Variants in MROH2A observed in about 807,000 individuals in gnomAD.
The protein encoded by MROH2A is maestro heat-like repeat-containing protein family member 2A.
Under a neutral mutation model 200.4 loss-of-function variants are expected in MROH2A, and 174 were observed. The ratio of observed to expected loss-of-function variants is 0.87; its 90% CI spans 0.77 to 0.98. The LOEUF is 0.98. Among genes scored for constraint, MROH2A ranks in the 50% least tolerant of loss-of-function variants. The pLI is 0.00. For missense variants in MROH2A, 2,045 were observed against 2,139.6 expected, an observed-to-expected ratio of 0.96 and a Z score of 0.87; for synonymous variants, 829 against 840.4, an observed-to-expected ratio of 0.99 and a Z score of 0.23.
In MROH2A at chr2:233,822,296, C is replaced by T. The variant is rs149017566; in HGVS notation, c.3672+13C>T. On this transcript the variant is annotated intron_variant, in intron 32 of 41. Transcript: ENST00000389758. ...GGACCCCCTGATGGTGAGTTGCAGG[C>T]GCAGGCCCCAAGGCTCCTCAGGGGT... 1,551 of 1,547,822 alleles carry T rather than the reference C, an allele frequency of 1.0e-3. 2 individuals carry two copies. The highest frequency in any genetic ancestry group is 1.1e-3 in the Non-Finnish European group (1,316 of 1,146,792).
chr2:233,824,506 C>T (rs1397991421), intron 35 of MROH2A, among the ~76,000 whole-genome samples: 1 of 152,236 alleles, frequency 6.6e-6, no homozygotes, highest in Non-Finnish European at 1.5e-5. Context: ...CACCCAGGAC[C>T]TGTCCTTTGA....
chr2:233,827,896 A>G (rs1255505542), intron 35 of MROH2A, among the ~76,000 whole-genome samples: 1 of 151,952 alleles, frequency 6.6e-6, no homozygotes, highest in East Asian at 1.9e-4. Flanking sequence ...ATAGGTTGTG[A>G]TCGTTGTATT....
chr2:233,832,399 C>G, intron 40 of MROH2A, 120 bp downstream of exon 40: 1 of 986,208 alleles, frequency 1.0e-6, no homozygotes, highest in African/African-American at 1.6e-5. Context: ...GACCAGAGCT[C>G]AGGTCTAAGC....
chr2:233,785,467 CA>C (rs34259208), intron 3 of MROH2A, among the ~76,000 whole-genome samples: 2,283 of 110,662 alleles, frequency 0.021, 54 homozygotes, highest in African/African-American at 0.069. Flanking sequence ...GACTTTGTCT[CA>C]AAAAAAAAAA....
intron 27 of MROH2A, among the ~76,000 whole-genome samples, chr2:233,817,331 C>T (rs1349979069): frequency 6.6e-6 from 1 of 152,170 alleles, no homozygotes; most frequent in African/African-American, 2.4e-5. Context: ...CACTTTTTGG[C>T]TCCATGCTGT....
At chr2:233,805,206 G>A in intron 19 of MROH2A, 95 bp downstream of exon 19, 1 of 811,966 alleles carries the variant, frequency 1.2e-6, no homozygotes, top group Non-Finnish European at 2.0e-6. Context: ...AGATCAGCTG[G>A]ACCTGTGGCT....
At chr2:233,782,356 GTCT>G (rs1037906554) in intron 3 of MROH2A, among the ~76,000 whole-genome samples, 1 of 152,116 alleles carries the variant, frequency 6.6e-6, no homozygotes, top group Non-Finnish European at 1.5e-5. Context: ...ATTTTTTGGT[GTCT>G]TCTTCAATTC....
intron 13 of MROH2A, 88 bp downstream of exon 13, chr2:233,799,987 C>G (rs1468656742): frequency 6.7e-7 from 1 of 1,495,904 alleles, no homozygotes; most frequent in Middle Eastern, 1.7e-4. Flanking sequence ...CTCAGCGTAC[C>G]TGTGTTCAAA....
At chr2:233,795,504 T>C (rs2885297) in intron 8 of MROH2A, 149 bp from the exon 9 acceptor site, 1,016,459 of 1,244,118 alleles carry the variant, frequency 0.82, 417,283 homozygotes, top group East Asian at 1. Flanking sequence ...TCAGCAGGAC[T>C]GGGGTAGGGC....
At position 233,809,225 on chromosome 2, in the gene MROH2A, G is replaced by A. The variant is rs756416632; in HGVS notation, c.2395G>A (p.Val799Met). ...CCACCCCCAGTTGCTCCTCAACCTC[G>A]TGGACAGCCCCATCACCGCTAAGAT... ...YCHPQLLLNL[V>M]DSPITAKIIH... Residue 799 changes from valine (V) to methionine (M), a missense_variant, in exon 22 of 42, where the codon GTG (valine) becomes ATG (methionine). Transcript: ENST00000389758. 196 of 1,550,416 alleles carry A rather than the reference G, an allele frequency of 1.3e-4. 1 individual carries two copies. Among genetic ancestry groups the A allele is most frequent in the Non-Finnish European group, 1.7e-4 (194 of 1,146,968 alleles).
At chr2:233,825,264 C>T (rs543113788) in intron 35 of MROH2A, among the ~76,000 whole-genome samples, 2 of 152,188 alleles carry the variant, frequency 1.3e-5, no homozygotes, top group Non-Finnish European at 2.9e-5. Flanking sequence ...ATGTCATCTG[C>T]AAACAAAGAC....
At chr2:233,799,473 C>T (rs1469336800) in intron 12 of MROH2A, among the ~76,000 whole-genome samples, 1 of 152,140 alleles carries the variant, frequency 6.6e-6, no homozygotes, top group Non-Finnish European at 1.5e-5. Flanking sequence ...GGAGCAAGCC[C>T]CAGGGGGTCC....
chr2:233,798,720 C>G, intron 11 of MROH2A, 54 bp from the exon 12 acceptor site: 1 of 1,357,320 alleles, frequency 7.4e-7, no homozygotes, highest in Non-Finnish European at 1.0e-6. Context: ...GGACGAGCCA[C>G]CTGACCTCTC....
At chr2:233,808,555 C>A (rs888333574) in intron 21 of MROH2A, among the ~76,000 whole-genome samples, 1 of 152,208 alleles carries the variant, frequency 6.6e-6, no homozygotes, top group African/African-American at 2.4e-5. Flanking sequence ...GAGTCCCAGG[C>A]TTTCTTCCAG....
Position 233,809,089 on chromosome 2 carries a change from C to T in MROH2A, c.2296-37C>T, listed in dbSNP as rs1702987206. 1.6e-5 allele frequency: 24 copies of T among 1,530,632 alleles called. No individual in the cohort carries two copies. In the East Asian group the frequency reaches 1.7e-4, roughly 11 times the overall value. 94.8% of individuals were successfully genotyped at this position (1,530,632 alleles called of 1,614,324 possible). ...TCACCTGCATCTGGAGCAGCCCCTG[C>T]TGCCCCCAGTGGTTCTTTTTCTCTT... On this transcript the variant is annotated intron_variant, in intron 21 of 41. Coordinates refer to ENST00000389758, the MANE Select transcript of MROH2A (RefSeq NM_001394639.1).
intron 3 of MROH2A, among the ~76,000 whole-genome samples, chr2:233,781,547 T>C (rs1700955377): frequency 6.6e-6 from 1 of 152,212 alleles, no homozygotes; most frequent in Admixed American, 6.5e-5. Context: ...TTTTGAGAAA[T>C]GTCTGTTCAG....
rs571365966 is a variant in MROH2A, at chr2:233,819,704, C to T, written c.3358-198C>T. Among the ~76,000 whole-genome samples the T allele has an allele frequency of 3.3e-5, 5 of 152,364 alleles. No individual in the cohort carries two copies. In the South Asian group the frequency reaches 1.0e-3, roughly 32 times the overall value. ...GATCAAGGTTCTCCTCCCCAGAGCA[C>T]ACCACCTCCTGCACTGAAAGCCTGG... is the stretch of plus-strand genomic sequence containing the variant. On this transcript the variant is annotated intron_variant, in intron 30 of 41. Transcript: ENST00000389758.
At chr2:233,803,601 A>G in intron 16 of MROH2A, 113 bp downstream of exon 16, 1 of 1,142,304 alleles carries the variant, frequency 8.8e-7, no homozygotes, top group Admixed American at 2.2e-5. Context: ...CTGAGGTGCA[A>G]TGAGGGAGTT....
In MROH2A at chr2:233,819,349, G is replaced by T. The variant is rs1304611465; in HGVS notation, c.3237G>T (p.Val1079=). 6.5e-7 allele frequency: 1 copy of T among 1,550,382 alleles called. No individual in the cohort carries two copies. The highest frequency in any genetic ancestry group is 8.7e-7 in the Non-Finnish European group (1 of 1,146,896). The change falls in exon 30 of 42, where the codon GTG becomes GTT. Residue 1079 remains valine, a synonymous_variant. Coordinates refer to ENST00000389758, the MANE Select transcript of MROH2A (RefSeq NM_001394639.1). ...VVCMEFSCDE[V]VSLIQKLCEN... is the part of the protein sequence containing the mutation. ...GCATGGAGTTTAGCTGCGATGAGGT[G>T]GTCTCGCTCATCCAGAAGCTCTGCG... is the stretch of plus-strand genomic sequence containing the variant.
Sources: allele counts gnomAD v4.1 joint callset (sites outside exome capture counted in the v4.1 genomes callset), GRCh38; gene constraint gnomAD v4.1.1; transcripts MANE v1.5; gene names NCBI Gene and HGNC (gene_info 2026-07-23, HGNC 2026-07-21).